Variants in PALM2AKAP2 observed in about 807,000 individuals in gnomAD.
The protein encoded by PALM2AKAP2 is PALM2-AKAP2 fusion protein.
Under a neutral mutation model 71.5 loss-of-function variants are expected in PALM2AKAP2, and 37 were observed. That is an observed-to-expected ratio of 0.52 (90% confidence interval 0.40 to 0.68). The LOEUF is 0.68. Ranked by LOEUF, PALM2AKAP2 falls within the 30% of genes least tolerant of loss-of-function variation. The pLI is 0.00. For synonymous variants in PALM2AKAP2, 468 were observed against 478.8 expected (o/e 0.98, Z 0.29); for missense variants, 1,224 against 1,191.8 (o/e 1.03, Z -0.40).
At chr9:110,076,706 A>T (rs1834332147) in intron 1 of PALM2AKAP2, among the ~76,000 whole-genome samples, 1 of 152,148 alleles carries the variant, frequency 6.6e-6, no homozygotes, top group East Asian at 1.9e-4. Context: ...GTAAAAATAT[A>T]GGGTCCCAAA....
At chr9:110,061,093 G>C (rs752717113) in intron 1 of PALM2AKAP2, among the ~76,000 whole-genome samples, 14 of 152,108 alleles carry the variant, frequency 9.2e-5, no homozygotes, top group Non-Finnish European at 1.8e-4. Context: ...AACTCCACAA[G>C]GGTCCTCTTG....
intron 6 of PALM2AKAP2, among the ~76,000 whole-genome samples, chr9:109,973,635 C>T (rs1176798172): frequency 6.6e-6 from 1 of 152,192 alleles, no homozygotes; most frequent in Non-Finnish European, 1.5e-5. Flanking sequence ...ATATAATCCT[C>T]CCACAGGGAA....
At chr9:109,904,541 T>G (rs997252134) in intron 3 of PALM2AKAP2, among the ~76,000 whole-genome samples, 2 of 152,202 alleles carry the variant, frequency 1.3e-5, no homozygotes, top group Admixed American at 1.3e-4. Flanking sequence ...GTACTATTTC[T>G]AAAACAAATC....
At chr9:109,949,004 C>T (rs1425845001) in intron 6 of PALM2AKAP2, among the ~76,000 whole-genome samples, 5 of 152,188 alleles carry the variant, frequency 3.3e-5, no homozygotes, top group Admixed American at 3.3e-4. Context: ...ATTAACACAA[C>T]ATTCTCTTCC....
At chr9:109,871,856 A>G (rs757802295) in intron 2 of PALM2AKAP2, among the ~76,000 whole-genome samples, 2 of 152,190 alleles carry the variant, frequency 1.3e-5, no homozygotes, top group Non-Finnish European at 2.9e-5. Flanking sequence ...GAATGTCTCC[A>G]TCTCAAACTC....
chr9:109,872,921 G>C (rs899655464), intron 2 of PALM2AKAP2, among the ~76,000 whole-genome samples: 3 of 152,180 alleles, frequency 2.0e-5, no homozygotes, highest in African/African-American at 7.2e-5. Flanking sequence ...TCCATACCCA[G>C]AGCTTGAATG....
intron 3 of PALM2AKAP2, among the ~76,000 whole-genome samples, chr9:110,157,310 G>A (rs1445528327): frequency 6.6e-6 from 1 of 152,192 alleles, no homozygotes; most frequent in Non-Finnish European, 1.5e-5. Flanking sequence ...GGTTGGTTGA[G>A]GATCCTACTG....
intron 1 of PALM2AKAP2, among the ~76,000 whole-genome samples, chr9:110,086,283 T>C (rs1183863983): frequency 6.6e-6 from 1 of 152,118 alleles, no homozygotes; most frequent in African/African-American, 2.4e-5. Flanking sequence ...GATTAAAATA[T>C]AAAAAAGAAA....
intron 1 of PALM2AKAP2, among the ~76,000 whole-genome samples, chr9:109,688,130 G>A (rs1046369594): frequency 1.3e-5 from 2 of 152,206 alleles, no homozygotes; most frequent in Admixed American, 6.5e-5. Flanking sequence ...TGATGAAAAA[G>A]TTGAAATATT....
chr9:109,891,646 A>G (rs1403817141), intron 3 of PALM2AKAP2, among the ~76,000 whole-genome samples: 1 of 152,140 alleles, frequency 6.6e-6, no homozygotes, highest in Non-Finnish European at 1.5e-5. Context: ...ACCCGCCACC[A>G]TGCCAGGCTG....
At chr9:109,654,881 A>C (rs1298884276) in intron 1 of PALM2AKAP2, among the ~76,000 whole-genome samples, 1 of 151,872 alleles carries the variant, frequency 6.6e-6, no homozygotes, top group Admixed American at 6.6e-5. Context: ...TTCTTTCCCC[A>C]TTCAACCGTC....
intron 5 of PALM2AKAP2, among the ~76,000 whole-genome samples, chr9:109,926,658 CA>C (rs1830964557): frequency 6.6e-6 from 1 of 152,142 alleles, no homozygotes; most frequent in Non-Finnish European, 1.5e-5. Context: ...AACACCTACC[CA>C]AAGAGTGCAT....
intron 1 of PALM2AKAP2, among the ~76,000 whole-genome samples, chr9:109,653,225 C>T (rs1827250609): frequency 6.6e-6 from 1 of 152,056 alleles, no homozygotes; most frequent in South Asian, 2.1e-4. Flanking sequence ...AAAGTGGGAT[C>T]ACAAACAAAA....
intron 1 of PALM2AKAP2, 84 bp from the exon 2 acceptor site, chr9:109,867,406 GC>G: frequency 7.4e-7 from 1 of 1,356,344 alleles, no homozygotes; most frequent in Non-Finnish European, 1.0e-6. Context: ...ACAGATGTGT[GC>G]TGCTGCTGCT....
intron 1 of PALM2AKAP2, among the ~76,000 whole-genome samples, chr9:110,060,214 G>A (rs1278827255): frequency 6.6e-6 from 1 of 152,026 alleles, no homozygotes; most frequent in Non-Finnish European, 1.5e-5. Flanking sequence ...CTGTGTTTAA[G>A]CGATTCTGTT....
intron 1 of PALM2AKAP2, among the ~76,000 whole-genome samples, chr9:109,814,125 C>G (rs1435301185): frequency 6.6e-6 from 1 of 152,138 alleles, no homozygotes; most frequent in East Asian, 1.9e-4. Flanking sequence ...GTTTGTAATG[C>G]CCTTGATGAG....
At chr9:109,864,060 CA>C (rs60061350) in intron 1 of PALM2AKAP2, among the ~76,000 whole-genome samples, 253 of 139,330 alleles carry the variant, frequency 1.8e-3, no homozygotes, top group Middle Eastern at 3.8e-3. Context: ...GACTCTGTCT[CA>C]AAAAAAAAAA....
At chr9:109,679,343 G>A (rs889949238) in intron 1 of PALM2AKAP2, among the ~76,000 whole-genome samples, 1 of 152,080 alleles carries the variant, frequency 6.6e-6, no homozygotes, top group African/African-American at 2.4e-5. Flanking sequence ...GCCATCAGAA[G>A]AACTTGGATC....
At chr9:109,949,919 T>G (rs1433516876) in intron 6 of PALM2AKAP2, among the ~76,000 whole-genome samples, 1 of 152,100 alleles carries the variant, frequency 6.6e-6, no homozygotes, top group African/African-American at 2.4e-5. Context: ...ATTTGAGAAA[T>G]ATATATGAAA....
Sources: allele counts gnomAD v4.1 joint callset (sites outside exome capture counted in the v4.1 genomes callset), GRCh38; gene constraint gnomAD v4.1.1; transcripts MANE v1.5; gene names NCBI Gene and HGNC (gene_info 2026-07-23, HGNC 2026-07-21).